DAPL1: variants seen among roughly 807,000 people sequenced by gnomAD.
DAPL1 encodes death-associated protein-like 1.
Under a neutral mutation model 12.9 loss-of-function variants are expected in DAPL1, and 17 were observed. The ratio of observed to expected loss-of-function variants is 1.32; its 90% CI spans 0.90 to 1.98. The LOEUF is 1.98. DAPL1 is among the 30% of genes most tolerant of loss of function. The pLI is 0.00. For missense variants in DAPL1, 157 were observed against 125.7 expected, an observed-to-expected ratio of 1.25 and a Z score of -1.19; for synonymous variants, 51 against 42.0, an observed-to-expected ratio of 1.21 and a Z score of -0.82.
chr2:158,800,957 A>G (rs915556103), intron 1 of DAPL1, among the ~76,000 whole-genome samples: 18 of 152,256 alleles, frequency 1.2e-4, no homozygotes, highest in African/African-American at 4.3e-4. Context: ...CTCCTGTCTC[A>G]GCCTCCCAAA....
At chr2:158,809,034 A>G (rs1460557027) in intron 3 of DAPL1, among the ~76,000 whole-genome samples, 3 of 152,272 alleles carry the variant, frequency 2.0e-5, no homozygotes, top group Admixed American at 6.5e-5. Context: ...TTTGGAAACC[A>G]TAAGAGAACA....
At chr2:158,804,137 T>G in intron 1 of DAPL1, 145 bp from the exon 2 acceptor site, 1 of 556,972 alleles carries the variant, frequency 1.8e-6, no homozygotes. Context: ...TATATATATT[T>G]TTTATTGTGT....
Position 158,804,377 on chromosome 2 carries a change from C to A in DAPL1, c.146+8C>A, listed in dbSNP as rs763259218. On this transcript the variant is annotated splice_region_variant and intron_variant, in intron 2 of 3. Transcript: ENST00000309950. Reference sequence around the variant, plus strand: ...AGGATTCGAGAAAACAAGGTAGGGACTCTTAATTTTTCTCCATCACCTTGA... The same window carrying A: ...AGGATTCGAGAAAACAAGGTAGGGAATCTTAATTTTTCTCCATCACCTTGA... The A allele has an allele frequency of 6.3e-7, 1 of 1,595,760 alleles. No individual in the cohort carries two copies. Among genetic ancestry groups the A allele is most frequent in the Middle Eastern group, 1.7e-4 (1 of 6,008 alleles).
At chr2:158,796,603 T>C (rs2059135678) in intron 1 of DAPL1, among the ~76,000 whole-genome samples, 3 of 152,230 alleles carry the variant, frequency 2.0e-5, no homozygotes, top group African/African-American at 7.2e-5. Context: ...GACAGGCTCC[T>C]TACATAGACA....
At chr2:158,807,197 A>G in intron 3 of DAPL1, 82 bp downstream of exon 3, 2 of 1,099,474 alleles carry the variant, frequency 1.8e-6, no homozygotes, top group Non-Finnish European at 2.6e-6. Flanking sequence ...GCGGATGACC[A>G]CTGAGGTTTT....
intron 1 of DAPL1, among the ~76,000 whole-genome samples, chr2:158,803,313 T>A (rs932121512): frequency 6.6e-6 from 1 of 152,202 alleles, no homozygotes; most frequent in African/African-American, 2.4e-5. Flanking sequence ...AATTAAGTAA[T>A]AATTGTAAAG....
intron 1 of DAPL1, among the ~76,000 whole-genome samples, chr2:158,797,476 G>A (rs2059140344): frequency 6.6e-6 from 1 of 152,060 alleles, no homozygotes; most frequent in Admixed American, 6.6e-5. Flanking sequence ...AAAAATATGT[G>A]CCTATCCCAT....
intron 1 of DAPL1, among the ~76,000 whole-genome samples, chr2:158,797,293 G>C (rs2105146780): frequency 6.6e-6 from 1 of 152,218 alleles, no homozygotes; most frequent in East Asian, 1.9e-4. Flanking sequence ...ATGATTAAAA[G>C]AGATCACCTC....
intron 3 of DAPL1, among the ~76,000 whole-genome samples, chr2:158,813,280 G>C (rs1383073745): frequency 1.3e-5 from 2 of 152,136 alleles, no homozygotes; most frequent in African/African-American, 2.4e-5. Context: ...TCTCAGTTTA[G>C]GATGATGAAA....
rs372678164 is a variant in DAPL1 at position 158,798,285 on chromosome 2, T to C, written c.58+2855T>C. Among the ~76,000 whole-genome samples, 299 of 152,336 alleles carry C rather than the reference T, an allele frequency of 2.0e-3. 2 individuals are homozygous for C. In the South Asian group the frequency reaches 0.024, roughly 12 times the overall value. On this transcript the variant is annotated intron_variant, in intron 1 of 3. Transcript: ENST00000309950. ...GGAGTATGACCAATTGTAAAACTAATGCAGAAAATGGGGGACAACCATAAA... is the reference window on the plus strand; with the variant it reads ...GGAGTATGACCAATTGTAAAACTAACGCAGAAAATGGGGGACAACCATAAA...
chr2:158,807,865 C>G (rs554073963), intron 3 of DAPL1: 1 of 152,196 alleles, frequency 6.6e-6, no homozygotes, highest in Admixed American at 6.5e-5. Context: ...AGGCTGATCT[C>G]GAACTCCTGA....
chr2:158,815,317 A>C (rs1401564724), intron 3 of DAPL1, among the ~76,000 whole-genome samples: 1 of 152,180 alleles, frequency 6.6e-6, no homozygotes, highest in Non-Finnish European at 1.5e-5. Flanking sequence ...CTTTCTTTTG[A>C]CAATTGAGGA....
At chr2:158,797,279 T>C (rs2059139717) in intron 1 of DAPL1, among the ~76,000 whole-genome samples, 2 of 152,294 alleles carry the variant, frequency 1.3e-5, no homozygotes, top group East Asian at 3.9e-4. Flanking sequence ...GTAAGTTTGT[T>C]GTAATGATTA....
At chr2:158,809,510 C>A (rs569635912) in intron 3 of DAPL1, among the ~76,000 whole-genome samples, 1 of 152,088 alleles carries the variant, frequency 6.6e-6, no homozygotes, top group South Asian at 2.1e-4. Flanking sequence ...CATAGGCTGC[C>A]GGGTTCCTGT....
chr2:158,802,121 G>T (rs1035025777), intron 1 of DAPL1, among the ~76,000 whole-genome samples: 1 of 152,142 alleles, frequency 6.6e-6, no homozygotes, highest in African/African-American at 2.4e-5. Context: ...TGTTAACAGG[G>T]GTATGGAGGA....
intron 3 of DAPL1, among the ~76,000 whole-genome samples, chr2:158,813,641 C>T (rs1266080619): frequency 2.6e-5 from 4 of 151,322 alleles, no homozygotes; most frequent in Admixed American, 6.6e-5. Flanking sequence ...CTGCAACCTC[C>T]GCCTCCTGGG....
chr2:158,803,017 A>G (rs1329927877), intron 1 of DAPL1, among the ~76,000 whole-genome samples: 3 of 152,250 alleles, frequency 2.0e-5, no homozygotes, highest in African/African-American at 7.2e-5. Flanking sequence ...AGAGATATAG[A>G]TGTAGATGTA....
chr2:158,812,563 G>C (rs2059236567), intron 3 of DAPL1, among the ~76,000 whole-genome samples: 1 of 152,156 alleles, frequency 6.6e-6, no homozygotes, highest in Non-Finnish European at 1.5e-5. Flanking sequence ...GGAGGCCAAG[G>C]CAGGAGAATT....
intron 3 of DAPL1, among the ~76,000 whole-genome samples, chr2:158,811,167 C>A (rs2059228318): frequency 6.6e-6 from 1 of 152,138 alleles, no homozygotes; most frequent in Non-Finnish European, 1.5e-5. Flanking sequence ...AGCTGCCAGA[C>A]TTTGGGTCAC....
Sources: allele counts gnomAD v4.1 joint callset (sites outside exome capture counted in the v4.1 genomes callset), GRCh38; gene constraint gnomAD v4.1.1; transcripts MANE v1.5; gene names NCBI Gene and HGNC (gene_info 2026-07-23, HGNC 2026-07-21).